KLC4: variants seen among roughly 807,000 people sequenced by gnomAD.
KLC4 encodes the protein kinesin light chain 4.
KLC4 carries 49 observed loss-of-function variants against 77.2 expected under a neutral mutation model. The observed-to-expected ratio is 0.63, with a 90% confidence interval of 0.50 to 0.80. The LOEUF is 0.80. KLC4 is among the 30% of genes least tolerant of loss of function. KLC4 has a pLI of 0.00. For synonymous variants in KLC4, 274 were observed against 314.5 expected (o/e 0.87, Z 1.36); for missense variants, 669 against 793.5 (o/e 0.84, Z 1.89).
intron 8 of KLC4, 58 bp downstream of exon 8, chr6:43,070,923 G>A: frequency 5.3e-6 from 2 of 376,836 alleles, no homozygotes; most frequent in Non-Finnish European, 9.5e-6. Context: ...CAGAGGTGGG[G>A]GGAGGGGGGG....
chr6:43,072,386 G>T, intron 12 of KLC4, 131 bp downstream of exon 12: 1 of 678,600 alleles, frequency 1.5e-6, no homozygotes, highest in Middle Eastern at 4.0e-4. Flanking sequence ...GGAAAGTGAG[G>T]CAGTGTTGTG....
intron 6 of KLC4, among the ~76,000 whole-genome samples, chr6:43,067,915 A>T (rs1765522947): frequency 8.3e-6 from 1 of 119,972 alleles, no homozygotes; most frequent in East Asian, 2.4e-4. Flanking sequence ...GATCGAGACC[A>T]TCCTGGCTAA....
intron 1 of KLC4, chr6:43,061,002 C>T (rs1300196195): frequency 6.0e-6 from 2 of 331,652 alleles, no homozygotes; most frequent in South Asian, 8.7e-5. Context: ...CTTTTCCTAA[C>T]TCAGGCTGTA....
rs1375425469 is a variant in KLC4 at position 43,071,884 on chromosome 6, T to C, written c.1341T>C (p.Ala447=). 8 of 1,612,364 alleles carry C rather than the reference T, an allele frequency of 5.0e-6. No homozygotes were observed. In the African/African-American group the frequency reaches 1.1e-4, roughly 22 times the overall value. Residue 447 remains alanine (A), a synonymous_variant, in exon 11 of 16, where the codon GCT becomes GCC. Coordinates refer to ENST00000347162, the MANE Select transcript of KLC4 (RefSeq NM_201521.3). ...ACCATGAGGGTGGGACACCCTATGC[T>C]GAGTATGGAGGCTGGTACAAGGCCT... The part of the protein sequence containing the change: ...SRHHEGGTPY[A]EYGGWYKACK...
chr6:43,061,417 C>G lies in KLC4; in HGVS notation c.82C>G (p.Leu28Val). The change falls in exon 2 of 16, where the codon CTG becomes GTG. Residue 28 changes from leucine to valine, a missense_variant. Transcript: ENST00000347162. ...SQEEILGSTRLVSQGLEALRS... is the reference protein window; with the variant it reads ...SQEEILGSTRVVSQGLEALRS... ...AGAGGAGATCCTGGGGAGCACACGG[C>G]TGGTCAGCCAAGGGCTAGAGGCCCT... 1.2e-6 allele frequency: 2 copies of G among 1,614,120 alleles called. No homozygotes were observed. Among genetic ancestry groups the G allele is most frequent in the Non-Finnish European group, 8.5e-7 (1 of 1,180,048 alleles).
intron 7 of KLC4, 54 bp from the exon 8 acceptor site, chr6:43,070,637 CT>C (rs1765670773): frequency 6.4e-7 from 1 of 1,560,078 alleles, no homozygotes; most frequent in Non-Finnish European, 8.8e-7. Flanking sequence ...CACACGTGTG[CT>C]TGTGCACACA....
chr6:43,072,057 A>AT (rs1582025978), intron 11 of KLC4, 90 bp from the exon 12 acceptor site: 39 of 1,411,644 alleles, frequency 2.8e-5, no homozygotes, highest in South Asian at 3.5e-5. Flanking sequence ...CTATTTTCTT[A>AT]TTTTTTTTCC....
chr6:43,067,241 T>A, intron 6 of KLC4, 158 bp downstream of exon 6: 1 of 1,333,422 alleles, frequency 7.5e-7, no homozygotes. Context: ...TGTCCAGTGA[T>A]CCTAATGATT....
chr6:43,074,680 C>T lies in KLC4; in HGVS notation c.*8C>T. 1 of 1,613,896 alleles carries T rather than the reference C, an allele frequency of 6.2e-7. No homozygotes were observed. Among genetic ancestry groups the T allele is most frequent in the Non-Finnish European group, 8.5e-7 (1 of 1,179,746 alleles). On this transcript the variant is annotated 3_prime_UTR_variant, in exon 16 of 16. Transcript: ENST00000347162. ...CTCTCTTCAAGCAGCTGACATTCAA[C>T]CCGGCCCCCAGGTCTGCTGGGTCCC... is the stretch of plus-strand genomic sequence containing the variant.
intron 12 of KLC4, among the ~76,000 whole-genome samples, chr6:43,072,458 T>C (rs1582026998): frequency 6.6e-6 from 1 of 152,168 alleles, no homozygotes; most frequent in African/African-American, 2.4e-5. Flanking sequence ...AGGACTCTAG[T>C]TTCAAGATTC....
intron 2 of KLC4, among the ~76,000 whole-genome samples, chr6:43,062,363 G>C (rs576341891): frequency 6.6e-6 from 1 of 152,342 alleles, no homozygotes; most frequent in African/African-American, 2.4e-5. Flanking sequence ...TCCTGCCTCA[G>C]CCTCCCGAGT....
intron 6 of KLC4, among the ~76,000 whole-genome samples, chr6:43,067,794 CAA>C (rs1194376962): frequency 9.0e-5 from 4 of 44,674 alleles, no homozygotes; most frequent in Non-Finnish European, 1.1e-4. Flanking sequence ...GACTCCGTCT[CAA>C]AAAAAAAAAA....
chr6:43,061,740 A>G (rs906895466), intron 2 of KLC4, 147 bp downstream of exon 2: 19 of 855,306 alleles, frequency 2.2e-5, no homozygotes, highest in Non-Finnish European at 2.9e-5. Flanking sequence ...TGTGTGCCAG[A>G]ATGCTTTTGG....
At chr6:43,073,080 G>A in intron 13 of KLC4, 116 bp downstream of exon 13, 2 of 1,417,946 alleles carry the variant, frequency 1.4e-6, no homozygotes, top group East Asian at 4.7e-5. Context: ...GTATCTCTGG[G>A]AGCCAGTTTT....
At chr6:43,073,183 G>A (rs1179682718) in intron 13 of KLC4, 40 bp from the exon 14 acceptor site, 5 of 1,541,396 alleles carry the variant, frequency 3.2e-6, no homozygotes, top group Admixed American at 1.7e-5. Context: ...CCATCTGTGT[G>A]GGATCCTTGT....
chr6:43,066,883 TCTC>T, intron 5 of KLC4, 110 bp from the exon 6 acceptor site: 1 of 1,470,802 alleles, frequency 6.8e-7, no homozygotes, highest in Non-Finnish European at 9.2e-7. Context: ...AGGCTTCCTG[TCTC>T]CTCATGGAGG....
Position 43,074,879 on chromosome 6 carries a change from T to G in KLC4, c.*207T>G, listed in dbSNP as rs945863895. The stretch of plus-strand genomic sequence containing the variant: ...CCCTCAGGACACCCTCTCTGCACCC[T>G]GTGGTCCTCTAGAGTAGCTAGCTCT... On this transcript the variant is annotated 3_prime_UTR_variant, in exon 16 of 16. Transcript: ENST00000347162. 22 of 583,516 alleles carry G rather than the reference T, an allele frequency of 3.8e-5. No homozygotes were observed. In the Admixed American group the frequency reaches 5.1e-4, roughly 14 times the overall value. The allele number at this position is 583,516 out of a possible 1,614,324, so 36.1% of individuals were successfully genotyped here.
chr6:43,066,563 C>T (rs747340708), intron 5 of KLC4, 38 bp downstream of exon 5: 24 of 1,552,976 alleles, frequency 1.5e-5, no homozygotes, highest in Non-Finnish European at 1.9e-5. Flanking sequence ...GATCTTCCCC[C>T]ACATTCCCAC....
chr6:43,067,093 C>T lies in KLC4; in HGVS notation c.879+10C>T, dbSNP rs373058990. On this transcript the variant is annotated intron_variant, in intron 6 of 15. Coordinates refer to ENST00000347162, the MANE Select transcript of KLC4 (RefSeq NM_201521.3). The stretch of plus-strand genomic sequence containing the variant: ...ACCTGACCATCCTGCTGTCAGTATT[C>T]CTTGCCCTCCCCACCCCACGCCCCG... 3.1e-6 allele frequency: 5 copies of T among 1,613,992 alleles called. No individual in the cohort carries two copies. In the East Asian group the frequency reaches 1.1e-4, roughly 36 times the overall value.
Sources: gnomAD v4.1 joint callset for allele counts (sites outside exome capture counted in the v4.1 genomes callset) on GRCh38, gnomAD v4.1.1 for gene constraint, MANE v1.5 for transcripts, NCBI Gene and HGNC (gene_info 2026-07-23, HGNC 2026-07-21) for gene names.